The following SLCO1B3 variants were observed in gnomAD, a reference collection of about 807,000 sequenced individuals.
SLCO1B3 encodes liver-specific organic anion transporter 2.
SLCO1B3 carries 72 observed loss-of-function variants against 71.8 expected under a neutral mutation model. That is an observed-to-expected ratio of 1.00 (90% CI 0.83 to 1.22). SLCO1B3 has a LOEUF of 1.22. Among genes scored for constraint, SLCO1B3 ranks in the 50% most tolerant of loss-of-function variants. SLCO1B3 has a pLI of 0.00. For missense variants in SLCO1B3, 911 were observed against 819.7 expected (o/e 1.11, Z -1.36); for synonymous variants, 298 against 278.4 (o/e 1.07, Z -0.70).
intron 3 of SLCO1B3, among the ~76,000 whole-genome samples, chr12:20,844,302 C>T (rs1271657633): frequency 2.6e-5 from 4 of 152,056 alleles, no homozygotes; most frequent in African/African-American, 9.7e-5. Flanking sequence ...CGCAGTGGCT[C>T]CTCCGTGTAA....
At chr12:20,881,333 T>C (rs1265055234) in intron 12 of SLCO1B3, among the ~76,000 whole-genome samples, 1 of 152,208 alleles carries the variant, frequency 6.6e-6, no homozygotes, top group African/African-American at 2.4e-5. Flanking sequence ...GCATCTCATT[T>C]GACTAAAGCA....
At chr12:20,849,286 A>G (rs1355312074) in intron 3 of SLCO1B3, among the ~76,000 whole-genome samples, 1 of 152,030 alleles carries the variant, frequency 6.6e-6, no homozygotes, top group African/African-American at 2.4e-5. Context: ...AAAGGAATGC[A>G]ATATATTAAG....
At chr12:20,888,343 T>C (rs1865831074) in intron 13 of SLCO1B3, among the ~76,000 whole-genome samples, 1 of 152,030 alleles carries the variant, frequency 6.6e-6, no homozygotes, top group African/African-American at 2.4e-5. Context: ...AGGATGTTTT[T>C]CTATTTTTTT....
chr12:20,821,995 A>G (rs1864321776), intron 3 of SLCO1B3, among the ~76,000 whole-genome samples: 1 of 152,154 alleles, frequency 6.6e-6, no homozygotes, highest in Non-Finnish European at 1.5e-5. Flanking sequence ...AGGTTGAGGG[A>G]TAGTGAAGGA....
At chr12:20,812,107 G>A (rs1276293188) in intron 1 of SLCO1B3, among the ~76,000 whole-genome samples, 1 of 151,830 alleles carries the variant, frequency 6.6e-6, no homozygotes, top group Non-Finnish European at 1.5e-5. Context: ...GGGTTTCTCT[G>A]TGTTGGTCAG....
intron 8 of SLCO1B3, among the ~76,000 whole-genome samples, chr12:20,869,382 G>A (rs968633158): frequency 7.1e-5 from 10 of 140,764 alleles, no homozygotes; most frequent in African/African-American, 2.5e-4. Context: ...GCTTTTCCTA[G>A]GTTATGATTA....
chr12:20,819,945 G>C, intron 3 of SLCO1B3, among the ~76,000 whole-genome samples: 1 of 152,110 alleles, frequency 6.6e-6, no homozygotes, highest in Non-Finnish European at 1.5e-5. Flanking sequence ...TCCAGGAATA[G>C]TCAGGGAAGC....
chr12:20,906,615 G>A (rs1006749621), intron 15 of SLCO1B3, among the ~76,000 whole-genome samples: 2 of 151,916 alleles, frequency 1.3e-5, no homozygotes, highest in African/African-American at 4.8e-5. Context: ...ACAGTTTTCT[G>A]GTAAAACTAA....
rs11045591 is a variant in SLCO1B3, at chr12:20,906,061, G to A, written c.1865+4594G>A. Among the ~76,000 whole-genome samples the A allele has an allele frequency of 3.3e-5, 5 of 152,112 alleles. No homozygotes were observed. In the East Asian group the frequency reaches 9.7e-4, roughly 29 times the overall value. On this transcript the variant is annotated intron_variant, in intron 15 of 15. Coordinates refer to ENST00000381545, the MANE Select transcript of SLCO1B3 (RefSeq NM_019844.4). ...GTGAGAACTCACTATCATGAGAAAA[G>A]CAAGTGGGAAATCCACCCCCATGAT...
chr12:20,894,816 G>A (rs963158155), intron 13 of SLCO1B3, among the ~76,000 whole-genome samples: 1 of 152,056 alleles, frequency 6.6e-6, no homozygotes, highest in Non-Finnish European at 1.5e-5. Flanking sequence ...AGCAGGCATG[G>A]ATTCTGTATT....
At chr12:20,897,389 C>G (rs1866033582) in intron 13 of SLCO1B3, among the ~76,000 whole-genome samples, 1 of 152,262 alleles carries the variant, frequency 6.6e-6, no homozygotes, top group East Asian at 1.9e-4. Flanking sequence ...GTACATGAAA[C>G]TGAGGTTTAG....
In SLCO1B3 at chr12:20,879,596, C is replaced by T; in HGVS notation, c.1296C>T (p.Ser432=). 5 of 1,612,144 alleles carry T rather than the reference C, an allele frequency of 3.1e-6. No homozygotes were observed. Among genetic ancestry groups the T allele is most frequent in the Non-Finnish European group, 4.2e-6 (5 of 1,179,120 alleles). ...QLLYFPLICE[S]KSVAGLTLTY... ...TATATTTCCCTCTAATCTGCGAAAG[C>T]AAATCAGTTGCCGGCCTAACCTTGA... Residue 432 remains serine (S), a synonymous_variant, in exon 11 of 16, where the codon AGC becomes AGT. Transcript: ENST00000381545.
intron 2 of SLCO1B3, among the ~76,000 whole-genome samples, chr12:20,815,305 C>T (rs945004774): frequency 1.5e-4 from 23 of 151,938 alleles, no homozygotes; most frequent in Non-Finnish European, 2.8e-4. Flanking sequence ...ATAAGGATAA[C>T]GTAAACATAA....
chr12:20,826,651 T>C (rs1864428956), intron 3 of SLCO1B3, among the ~76,000 whole-genome samples: 1 of 149,330 alleles, frequency 6.7e-6, no homozygotes, highest in Non-Finnish European at 1.5e-5. Context: ...ATCCTAAAGG[T>C]ACCTCTTTCT....
chr12:20,860,977 G>C (rs151286679), intron 5 of SLCO1B3, 40 bp from the exon 6 acceptor site: 18,673 of 1,525,630 alleles, frequency 0.012, 236 homozygotes, highest in Non-Finnish European at 0.012. Context: ...AAAATATTCA[G>C]TAGATAAGCA....
chr12:20,883,013 C>T (rs1591779551), intron 12 of SLCO1B3, among the ~76,000 whole-genome samples: 1 of 152,216 alleles, frequency 6.6e-6, no homozygotes, highest in East Asian at 1.9e-4. Context: ...GGCTCTATTT[C>T]CTCTGCACTC....
At chr12:20,895,897 A>G (rs1171318086) in intron 13 of SLCO1B3, among the ~76,000 whole-genome samples, 5 of 152,316 alleles carry the variant, frequency 3.3e-5, no homozygotes, top group African/African-American at 1.2e-4. Context: ...AAATCTAGGC[A>G]GAGGTTCCCA....
intron 15 of SLCO1B3, among the ~76,000 whole-genome samples, chr12:20,904,766 T>C (rs1468269748): frequency 1.6e-5 from 2 of 123,926 alleles, no homozygotes; most frequent in African/African-American, 6.1e-5. Context: ...TTTTTTTTTT[T>C]TTTTTTTTTT....
chr12:20,834,201 A>G (rs1230999867), intron 3 of SLCO1B3, among the ~76,000 whole-genome samples: 1 of 145,834 alleles, frequency 6.9e-6, no homozygotes, highest in Non-Finnish European at 1.5e-5. Context: ...TATAAACTAT[A>G]TATGTATTCA....
Sources: gnomAD v4.1 joint callset for allele counts (sites outside exome capture counted in the v4.1 genomes callset) on GRCh38, gnomAD v4.1.1 for gene constraint, MANE v1.5 for transcripts, NCBI Gene and HGNC (gene_info 2026-07-23, HGNC 2026-07-21) for gene names.